TOR1AIP2: variants seen among roughly 807,000 people sequenced by gnomAD.
TOR1AIP2 encodes the protein torsin-1A-interacting protein 2.
TOR1AIP2 carries 20 observed loss-of-function variants against 32.6 expected under a neutral mutation model. The observed-to-expected ratio is 0.61, with a 90% CI of 0.43 to 0.89. TOR1AIP2 has a LOEUF of 0.89. TOR1AIP2 is among the 40% of genes least tolerant of loss of function. The pLI is 0.00. For missense variants in TOR1AIP2, 456 were observed against 553.8 expected, an observed-to-expected ratio of 0.82 and a Z score of 1.77; for synonymous variants, 214 against 210.8, an observed-to-expected ratio of 1.02 and a Z score of -0.13.
In TOR1AIP2 at chr1:179,845,826, G is replaced by A. The variant is rs1031567909; in HGVS notation, c.*245C>T. Reference sequence around the variant, plus strand: ...AAAAAAAATTCTCATATATATCATCGATATTTCAAACCTGATTTGGTCCAA... The same window carrying A: ...AAAAAAAATTCTCATATATATCATCAATATTTCAAACCTGATTTGGTCCAA... On this transcript the variant is annotated 3_prime_UTR_variant, in exon 7 of 7. Coordinates refer to ENST00000609928, the MANE Select transcript of TOR1AIP2 (RefSeq NM_001199260.2). The A allele has an allele frequency of 5.5e-5, 23 of 418,460 alleles. No individual in the cohort carries two copies. The highest frequency in any genetic ancestry group is 3.2e-4 in the Admixed American group (8 of 25,054). The allele number at this position is 418,460 out of a possible 1,614,324, so 25.9% of individuals were successfully genotyped here.
chr1:179,843,521 A>AC lies in TOR1AIP2; in HGVS notation c.*2549_*2550insG, dbSNP rs1695792903. 1 of 152,090 alleles carries AC rather than the reference A, an allele frequency of 6.6e-6. No individual in the cohort carries two copies. The highest frequency in any genetic ancestry group is 2.4e-5 in the African/African-American group (1 of 41,116). The allele number at this position is 152,090 out of a possible 1,614,324, so 9.4% of individuals were successfully genotyped here. ...GCAAGACCTTCTCTCAAAAAAAAAA[A>AC]AAAAAAAAAAAGAAGTTTGGTTGGG... On this transcript the variant is annotated 3_prime_UTR_variant, in exon 7 of 7. Transcript: ENST00000609928.
chr1:179,856,704 A>G (rs1696316604), intron 3 of TOR1AIP2, among the ~76,000 whole-genome samples: 1 of 152,046 alleles, frequency 6.6e-6, no homozygotes, highest in South Asian at 2.1e-4. Context: ...GCAACCTCCA[A>G]CTTCCAGGTT....
chr1:179,851,401 A>C (rs1177645490), intron 4 of TOR1AIP2, 38 bp from the exon 5 acceptor site: 2 of 1,425,728 alleles, frequency 1.4e-6, no homozygotes, highest in Non-Finnish European at 1.8e-6. Flanking sequence ...ATTGGAAAAA[A>C]TTCCCCATAA....
chr1:179,850,185 A>T (rs906128847), intron 5 of TOR1AIP2, among the ~76,000 whole-genome samples: 1 of 151,782 alleles, frequency 6.6e-6, no homozygotes, highest in African/African-American at 2.4e-5. Flanking sequence ...AAGCACCAGG[A>T]AGGGAAGATT....
At chr1:179,861,589 G>GA in intron 3 of TOR1AIP2, 1 of 985,380 alleles carries the variant, frequency 1.0e-6, no homozygotes, top group Non-Finnish European at 1.2e-6. Context: ...GAAGAAGACT[G>GA]AAACATTCCT....
chr1:179,862,013 A>G (rs1696554984), intron 3 of TOR1AIP2: 2 of 985,224 alleles, frequency 2.0e-6, no homozygotes, highest in Admixed American at 6.2e-5. Flanking sequence ...GGTGTTATTT[A>G]TAATATGCAG....
chr1:179,852,399 G>A (rs1324740638), intron 4 of TOR1AIP2, among the ~76,000 whole-genome samples: 2 of 151,994 alleles, frequency 1.3e-5, no homozygotes, highest in Non-Finnish European at 2.9e-5. Context: ...ATTACTATAA[G>A]TCCTTACTAT....
chr1:179,861,489 C>T (rs1696528573), intron 3 of TOR1AIP2: 1 of 984,634 alleles, frequency 1.0e-6, no homozygotes, highest in South Asian at 4.7e-5. Context: ...GGCAAAGTAA[C>T]CCTCTTAATA....
intron 2 of TOR1AIP2, chr1:179,867,590 T>C (rs866920069): frequency 6.6e-6 from 1 of 152,194 alleles, no homozygotes; most frequent in Admixed American, 6.5e-5. Flanking sequence ...ATCAAGTAAA[T>C]GCAACAAGAT....
At chr1:179,870,192 G>C (rs998536237) in intron 2 of TOR1AIP2, among the ~76,000 whole-genome samples, 1 of 151,990 alleles carries the variant, frequency 6.6e-6, no homozygotes, top group African/African-American at 2.4e-5. Flanking sequence ...GTCAGGAGAT[G>C]GAGACCATCC....
At chr1:179,850,760 C>G in intron 5 of TOR1AIP2, 85 bp downstream of exon 5, 1 of 1,494,334 alleles carries the variant, frequency 6.7e-7, no homozygotes, top group Non-Finnish European at 8.9e-7. Context: ...CAAAAGTTCT[C>G]TGGAAAGAAG....
rs570345238 is a variant in TOR1AIP2 at position 179,863,946 on chromosome 1, C to T, written c.-147+1490G>A. On this transcript the variant is annotated intron_variant, in intron 3 of 6. Transcript: ENST00000609928. ...CTCCTTAGTTCTAAGAAAGATGCTT[C>T]CTCTAGACTGTTCATAATATATATG... The T allele has an allele frequency of 5.1e-6, 5 of 985,380 alleles. No individual in the cohort carries two copies. In the South Asian group the frequency reaches 1.4e-4, roughly 28 times the overall value. 61.0% of individuals were successfully genotyped at this position (985,380 alleles called of 1,614,324 possible). A position where few individuals can be genotyped will look rare whatever the true frequency, so the allele number is the denominator to read the frequency against.
intron 2 of TOR1AIP2, among the ~76,000 whole-genome samples, chr1:179,866,724 T>G (rs1696795458): frequency 6.6e-6 from 1 of 152,182 alleles, no homozygotes; most frequent in African/African-American, 2.4e-5. Context: ...CTAGTTTTAT[T>G]GGTTTATACA....
chr1:179,859,814 G>C lies in TOR1AIP2; in HGVS notation c.-147+5622C>G, dbSNP rs930697353. On this transcript the variant is annotated intron_variant, in intron 3 of 6. Coordinates refer to ENST00000609928, the MANE Select transcript of TOR1AIP2 (RefSeq NM_001199260.2). ...AAACCAATCCTGTCCTTCATCAGGAGAGATTTAAGAAGTTTTTTGTTTTTG... is the reference window on the plus strand; with the variant it reads ...AAACCAATCCTGTCCTTCATCAGGACAGATTTAAGAAGTTTTTTGTTTTTG... 4.1e-6 allele frequency: 4 copies of C among 985,296 alleles called. No homozygotes were observed. The African/African-American group carries it at 7.0e-5, about 17-fold the overall frequency. 61.0% of individuals were successfully genotyped at this position (985,296 alleles called of 1,614,324 possible).
chr1:179,840,921 A>T lies in TOR1AIP2; in HGVS notation c.*5150T>A, dbSNP rs1162927040. 7.8e-6 allele frequency: 1 copy of T among 127,810 alleles called. No homozygotes were observed. The highest frequency in any genetic ancestry group is 1.6e-5 in the Non-Finnish European group (1 of 63,838). The allele number at this position is 127,810 out of a possible 1,614,324, so 7.9% of individuals were successfully genotyped here. A position where few individuals can be genotyped will look rare whatever the true frequency, so the allele number is the denominator to read the frequency against. On this transcript the variant is annotated 3_prime_UTR_variant, in exon 7 of 7. Coordinates refer to ENST00000609928, the MANE Select transcript of TOR1AIP2 (RefSeq NM_001199260.2). ...ATAATAATAATAATAATAATAAAGA[A>T]GTTATAGCACAGTTTATTAGCTAGA...
chr1:179,840,417 A>C lies in TOR1AIP2; in HGVS notation c.*5654T>G, dbSNP rs1006908971. 1 of 152,206 alleles carries C rather than the reference A, an allele frequency of 6.6e-6. No homozygotes were observed. Among genetic ancestry groups the C allele is most frequent in the Admixed American group, 6.5e-5 (1 of 15,270 alleles). The allele number at this position is 152,206 out of a possible 1,614,324, so 9.4% of individuals were successfully genotyped here. On this transcript the variant is annotated 3_prime_UTR_variant, in exon 7 of 7. Transcript: ENST00000609928. ...CATGTAACTGCGCTTAGCCAAAGGC[A>C]AATTTAGTTTATAAGCCTCAGTGAG...
rs201930264 is a variant in TOR1AIP2, at chr1:179,850,833, G to T, written c.553+12C>A. ...GTACAAAACAGGAGAGTAGTTCAGG[G>T]GGTTCTCTTACCTGGGGCCAGCAGT... On this transcript the variant is annotated intron_variant, in intron 5 of 6. Transcript: ENST00000609928. 6.3e-4 allele frequency: 1,011 copies of T among 1,610,600 alleles called. 5 individuals carry two copies. The highest frequency in any genetic ancestry group is 4.5e-3 in the Middle Eastern group (27 of 6,046).
Position 179,842,387 on chromosome 1 carries a change from A to G in TOR1AIP2, c.*3684T>C, listed in dbSNP as rs1445460914. 2 of 152,218 alleles carry G rather than the reference A, an allele frequency of 1.3e-5. No homozygotes were observed. Among genetic ancestry groups the G allele is most frequent in the East Asian group, 3.8e-4 (2 of 5,204 alleles). 9.4% of individuals were successfully genotyped at this position (152,218 alleles called of 1,614,324 possible). A position where few individuals can be genotyped will look rare whatever the true frequency, so the allele number is the denominator to read the frequency against. On this transcript the variant is annotated 3_prime_UTR_variant, in exon 7 of 7. Transcript: ENST00000609928. ...ATTGATTGCTTTTTAAAATAGAAAT[A>G]TGAAACAAATTAGCATTACTATTTT... is the stretch of plus-strand genomic sequence containing the variant.
chr1:179,846,431 C>T lies in TOR1AIP2; in HGVS notation c.1053G>A (p.Leu351=), dbSNP rs764086679. 9.9e-6 allele frequency: 16 copies of T among 1,614,190 alleles called. No homozygotes were observed. Among genetic ancestry groups the T allele is most frequent in the Middle Eastern group, 1.7e-4 (1 of 6,060 alleles). ...TCTGGCCATTCTCAAACCCATAGCT[C>T]AGCTCCAGGTCAACCAACAGCTTGA... is the stretch of plus-strand genomic sequence containing the variant. The part of the protein sequence containing the change: ...DTVKLLVDLE[L]SYGFENGQKA... The change falls in exon 7 of 7, where the codon CTG becomes CTA. Residue 351 remains leucine (L), a synonymous_variant. Transcript: ENST00000609928.
Sources: gnomAD v4.1 joint callset for allele counts (sites outside exome capture counted in the v4.1 genomes callset) on GRCh38, gnomAD v4.1.1 for gene constraint, MANE v1.5 for transcripts, NCBI Gene and HGNC (gene_info 2026-07-23, HGNC 2026-07-21) for gene names.